The following DENND4A variants were observed in gnomAD, a reference collection of about 807,000 sequenced individuals.
The protein encoded by DENND4A is DENN domain containing 4A, also known as C-myc promoter-binding protein.
A neutral mutation model predicts 199.3 loss-of-function variants in DENND4A; 70 were observed. The ratio of observed to expected loss-of-function variants is 0.35; its 90% CI spans 0.29 to 0.43. DENND4A has a LOEUF of 0.43. DENND4A is among the 20% of genes least tolerant of loss of function. The probability of loss-of-function intolerance (pLI) is 1.00; values close to 1 mark genes in which losing one functional copy is unlikely to be tolerated. For missense variants in DENND4A, 1,723 were observed against 2,255.8 expected, an observed-to-expected ratio of 0.76 and a Z score of 4.78; for synonymous variants, 686 against 766.9, an observed-to-expected ratio of 0.89 and a Z score of 1.74.
chr15:65,680,704 A>C (rs574429731), intron 23 of DENND4A: 1 of 152,304 alleles, frequency 6.6e-6, no homozygotes, highest in African/African-American at 2.4e-5. Context: ...CCTTGGAGGT[A>C]TGGCAGGTTC....
At chr15:65,734,023 T>A (rs1412948897) in intron 7 of DENND4A, among the ~76,000 whole-genome samples, 1 of 152,192 alleles carries the variant, frequency 6.6e-6, no homozygotes, top group Non-Finnish European at 1.5e-5. Flanking sequence ...GTCTGAAATA[T>A]GGCCTCGTGG....
At chr15:65,779,728 C>A (rs1002547837) in intron 1 of DENND4A, among the ~76,000 whole-genome samples, 5 of 152,148 alleles carry the variant, frequency 3.3e-5, no homozygotes, top group African/African-American at 7.2e-5. Flanking sequence ...CAGCTCACTG[C>A]AACCTCTGCC....
At chr15:65,729,702 T>C in intron 9 of DENND4A, 24 bp from the exon 10 acceptor site, 1 of 1,535,844 alleles carries the variant, frequency 6.5e-7, no homozygotes, top group Non-Finnish European at 8.8e-7. Flanking sequence ...CAAAAATATA[T>C]AATTAAAAAA....
intron 4 of DENND4A, among the ~76,000 whole-genome samples, chr15:65,749,827 T>A (rs978281221): frequency 6.6e-6 from 1 of 152,294 alleles, no homozygotes. Flanking sequence ...GAGTAAAAAC[T>A]GCCACAGCGT....
chr15:65,705,897 T>G (rs1422453485), intron 15 of DENND4A, 194 bp downstream of exon 15: 2 of 650,624 alleles, frequency 3.1e-6, no homozygotes, highest in African/African-American at 4.0e-5. Context: ...AAGTCTATAT[T>G]ATGCAAAATT....
At chr15:65,665,513 A>C (rs192164013) in intron 29 of DENND4A, 51 bp from the exon 30 acceptor site, 1 of 1,371,538 alleles carries the variant, frequency 7.3e-7, no homozygotes. Flanking sequence ...ATAATTTTTC[A>C]TAAGTATTTT....
Position 65,752,388 on chromosome 15 carries a change from A to G in DENND4A, c.552T>C (p.Asn184=), listed in dbSNP as rs2076591275. The G allele has an allele frequency of 1.3e-6, 2 of 1,491,504 alleles. No homozygotes were observed. The highest frequency in any genetic ancestry group is 1.1e-5 in the South Asian group (1 of 88,926). 92.4% of individuals were successfully genotyped at this position (1,491,504 alleles called of 1,614,324 possible). A position where few individuals can be genotyped will look rare whatever the true frequency, so the allele number is the denominator to read the frequency against. ...CAAGTAAGTCACTTACCATACTGTT[A>G]TTGAGATTCTTGTCGACTTTGCAGA... ...HTFCKVDKNL[N]NSMWGSAVYL... Residue 184 remains asparagine, a synonymous_variant, in exon 4 of 33, where the codon AAT becomes AAC. Transcript: ENST00000443035.
intron 14 of DENND4A, among the ~76,000 whole-genome samples, chr15:65,712,425 T>C (rs1012733798): frequency 6.6e-6 from 1 of 152,214 alleles, no homozygotes; most frequent in Non-Finnish European, 1.5e-5. Context: ...CTGAACGCTA[T>C]GATAGGCAGC....
At chr15:65,777,861 C>T (rs1238771889) in intron 1 of DENND4A, among the ~76,000 whole-genome samples, 1 of 152,042 alleles carries the variant, frequency 6.6e-6, no homozygotes, top group African/African-American at 2.4e-5. Context: ...CGGTGAAACC[C>T]TGTCTCAAAT....
At chr15:65,686,652 C>T (rs1038151667) in intron 23 of DENND4A, among the ~76,000 whole-genome samples, 1 of 152,158 alleles carries the variant, frequency 6.6e-6, no homozygotes, top group African/African-American at 2.4e-5. Flanking sequence ...GACCTCCCAC[C>T]TCAACCTCCT....
At chr15:65,756,904 G>A (rs2076717019) in intron 2 of DENND4A, among the ~76,000 whole-genome samples, 2 of 152,136 alleles carry the variant, frequency 1.3e-5, no homozygotes, top group Admixed American at 6.5e-5. Context: ...GGGCGTGGTG[G>A]CAGGTGCCTG....
In DENND4A at chr15:65,664,734, C is replaced by A; in HGVS notation, c.5360-12G>T. The A allele has an allele frequency of 1.3e-6, 2 of 1,599,858 alleles. No individual in the cohort carries two copies. The highest frequency in any genetic ancestry group is 1.7e-6 in the Non-Finnish European group (2 of 1,173,330). ...TGGATATTTTTGGGCTGTAAACGAA[C>A]AAAAGAACAGATGAAGGAAAATGTT... On this transcript the variant is annotated splice_polypyrimidine_tract_variant and intron_variant, in intron 30 of 32. Transcript: ENST00000443035.
At chr15:65,735,108 C>T (rs1046713698) in intron 7 of DENND4A, among the ~76,000 whole-genome samples, 5 of 150,822 alleles carry the variant, frequency 3.3e-5, no homozygotes, top group Admixed American at 6.6e-5. Flanking sequence ...CAAGGCGCGG[C>T]GGCTCACACC....
chr15:65,707,695 T>C (rs1196119190), intron 14 of DENND4A, among the ~76,000 whole-genome samples: 1 of 151,950 alleles, frequency 6.6e-6, no homozygotes, highest in African/African-American at 2.4e-5. Context: ...TATGATTTTT[T>C]TTTTTTTTTG....
intron 1 of DENND4A, among the ~76,000 whole-genome samples, chr15:65,791,647 T>C (rs2077727815): frequency 6.6e-6 from 1 of 151,710 alleles, no homozygotes; most frequent in Admixed American, 6.6e-5. Context: ...GGAAGCCACC[T>C]CCGACTTACG....
At chr15:65,764,866 G>A (rs980996714) in intron 1 of DENND4A, among the ~76,000 whole-genome samples, 1 of 150,938 alleles carries the variant, frequency 6.6e-6, no homozygotes. Context: ...CAGCTACTTG[G>A]AAGGCTAAGG....
At position 65,720,141 on chromosome 15, in the gene DENND4A, A is replaced by C. The variant is rs369653007; in HGVS notation, c.1589-2145T>G. Among the ~76,000 whole-genome samples the C allele has an allele frequency of 1.7e-4, 26 of 152,324 alleles. No individual in the cohort carries two copies. In the East Asian group the frequency reaches 2.7e-3, roughly 16 times the overall value. On this transcript the variant is annotated intron_variant, in intron 12 of 32. Transcript: ENST00000443035. ...GGCAAAACCTGAATGTGGTCTGAGGATTAGGACAGCAGTAATTCTCAATGT... is the reference window on the plus strand; with the variant it reads ...GGCAAAACCTGAATGTGGTCTGAGGCTTAGGACAGCAGTAATTCTCAATGT...
intron 14 of DENND4A, among the ~76,000 whole-genome samples, chr15:65,711,086 C>T (rs2075235962): frequency 6.6e-6 from 1 of 152,096 alleles, no homozygotes; most frequent in African/African-American, 2.4e-5. Flanking sequence ...CAAGAAGGGC[C>T]TAACAGAAGT....
At chr15:65,778,411 G>C (rs1333963297) in intron 1 of DENND4A, among the ~76,000 whole-genome samples, 1 of 141,164 alleles carries the variant, frequency 7.1e-6, no homozygotes, top group Non-Finnish European at 1.5e-5. Flanking sequence ...TGACATTTCA[G>C]AGTCCTCAAC....
Sources: allele counts gnomAD v4.1 joint callset (sites outside exome capture counted in the v4.1 genomes callset), GRCh38; gene constraint gnomAD v4.1.1; transcripts MANE v1.5; gene names NCBI Gene and HGNC (gene_info 2026-07-23, HGNC 2026-07-21).